Variants in PTGER3 observed in about 807,000 individuals in gnomAD.
PTGER3 encodes the protein prostaglandin E receptor 3.
PTGER3 carries 22 observed loss-of-function variants against 34.7 expected under a neutral mutation model. The ratio of observed to expected loss-of-function variants is 0.63; its 90% CI spans 0.45 to 0.91. The LOEUF (loss-of-function observed/expected upper bound fraction) is 0.91. Ranked by LOEUF, PTGER3 falls within the 40% of genes least tolerant of loss-of-function variation. The pLI is 0.00. For synonymous variants in PTGER3, 241 were observed against 230.1 expected (o/e 1.05, Z -0.43); for missense variants, 468 against 519.4 (o/e 0.90, Z 0.96).
At chr1:70,978,580 T>C (rs1653934759) in intron 2 of PTGER3, among the ~76,000 whole-genome samples, 1 of 152,178 alleles carries the variant, frequency 6.6e-6, no homozygotes, top group South Asian at 2.1e-4. Context: ...ATATGTATAA[T>C]GCACTTATTG....
At chr1:70,919,735 CT>C (rs1384269320) in intron 4 of PTGER3, among the ~76,000 whole-genome samples, 3 of 152,030 alleles carry the variant, frequency 2.0e-5, no homozygotes, top group African/African-American at 7.2e-5. Context: ...ATGGCCATTG[CT>C]TACTGAATCT....
At chr1:70,982,425 A>G (rs1654472153) in intron 2 of PTGER3, among the ~76,000 whole-genome samples, 2 of 152,144 alleles carry the variant, frequency 1.3e-5, no homozygotes. Flanking sequence ...ATCGATCAGT[A>G]TATGACACTG....
At chr1:70,877,249 C>A (rs1465793408) in intron 4 of PTGER3, among the ~76,000 whole-genome samples, 1 of 152,092 alleles carries the variant, frequency 6.6e-6, no homozygotes, top group African/African-American at 2.4e-5. Context: ...ATTTGGCTCT[C>A]AGCTTGGACA....
At chr1:70,855,115 T>C (rs1451094493) in intron 4 of PTGER3, among the ~76,000 whole-genome samples, 2 of 151,816 alleles carry the variant, frequency 1.3e-5, no homozygotes, top group Non-Finnish European at 2.9e-5. Context: ...ATGGAGTATA[T>C]ACATACAGTG....
chr1:70,874,037 A>G (rs1477514694), intron 4 of PTGER3, among the ~76,000 whole-genome samples: 1 of 152,198 alleles, frequency 6.6e-6, no homozygotes, highest in Admixed American at 6.5e-5. Flanking sequence ...TAGCATTATT[A>G]CTAATAATAG....
Position 71,047,276 on chromosome 1 carries a change from A to G in PTGER3, c.302T>C (p.Val101Ala). ...GACCGGGGTGGTGAGAAGCTGCCCG[A>G]CCAGGTCGGTGAGCGCCAGCCAGCC... ...CIGWLALTDL[V>A]GQLLTTPVVI... is the part of the protein sequence containing the mutation. The change falls in exon 1 of 4, where the codon GTC becomes GCC. Residue 101 changes from valine to alanine, a missense_variant. By Grantham distance (64) the Val-to-Ala change is moderately conservative (BLOSUM62 0). Transcript: ENST00000306666. 1.3e-6 allele frequency: 2 copies of G among 1,596,990 alleles called. No homozygotes were observed. The highest frequency in any genetic ancestry group is 1.7e-6 in the Non-Finnish European group (2 of 1,172,782).
At chr1:70,944,411 T>G (rs1650033209) in intron 4 of PTGER3, among the ~76,000 whole-genome samples, 1 of 152,028 alleles carries the variant, frequency 6.6e-6, no homozygotes, top group Admixed American at 6.6e-5. Flanking sequence ...AGAGTACCTT[T>G]GAGAATGAAA....
chr1:70,859,705 T>G (rs201532044), intron 4 of PTGER3, among the ~76,000 whole-genome samples: 3 of 152,192 alleles, frequency 2.0e-5, no homozygotes, highest in East Asian at 3.8e-4. Context: ...TTGCAGGAAC[T>G]CGTAAGAAAT....
chr1:71,041,966 T>C (rs1268546453), intron 1 of PTGER3, among the ~76,000 whole-genome samples: 1 of 152,174 alleles, frequency 6.6e-6, no homozygotes, highest in African/African-American at 2.4e-5. Flanking sequence ...CAGATGCCTG[T>C]GGTGCATATT....
At chr1:70,971,778 TTA>T in intron 3 of PTGER3, 45 bp from the exon 4 acceptor site, 2 of 1,370,276 alleles carry the variant, frequency 1.5e-6, no homozygotes, top group Admixed American at 2.1e-5. Flanking sequence ...TGGATGGGGA[TTA>T]TTTTTTTTAA....
chr1:70,987,726 T>A (rs944170158), intron 2 of PTGER3, among the ~76,000 whole-genome samples: 1 of 152,092 alleles, frequency 6.6e-6, no homozygotes, highest in African/African-American at 2.4e-5. Context: ...CCCAATATAA[T>A]CAAATTAAAT....
chr1:71,012,733 C>G (rs527993105), intron 1 of PTGER3, among the ~76,000 whole-genome samples: 2 of 152,194 alleles, frequency 1.3e-5, no homozygotes, highest in African/African-American at 4.8e-5. Context: ...GCTCTTGATT[C>G]TTGGAATTTA....
Position 71,035,054 on chromosome 1 carries a change from A to T in PTGER3, c.897+11627T>A, listed in dbSNP as rs554962940. On this transcript the variant is annotated intron_variant, in intron 1 of 3. Coordinates refer to ENST00000306666, the MANE Select transcript of PTGER3 (RefSeq NM_198719.2). ...TTCCTAGAGTTCTTGAAAGGTAAAA[A>T]ATTTCCTATTATTAAGGGTGTTCAA... is the stretch of plus-strand genomic sequence containing the variant. Among the ~76,000 whole-genome samples, 3 of 152,280 alleles carry T rather than the reference A, an allele frequency of 2.0e-5. No individual in the cohort carries two copies. The South Asian group carries it at 6.2e-4, about 32-fold the overall frequency.
downstream of PTGER3, among the ~76,000 whole-genome samples, chr1:70,949,318 G>A (rs566630737): frequency 1.3e-5 from 2 of 152,104 alleles, no homozygotes; most frequent in Admixed American, 1.3e-4. Context: ...ATCATCAAGC[G>A]ACATTAAATT....
Position 70,921,311 on chromosome 1 carries a change from A to G in PTGER3, c.*23+32452T>C, listed in dbSNP as rs537423747. Reference sequence around the variant, plus strand: ...GTGGCCGCCCGAACTTTTCAGTGTCACTGCAAAGGGTGGGTCTTCCTGGCC... The same window carrying G: ...GTGGCCGCCCGAACTTTTCAGTGTCGCTGCAAAGGGTGGGTCTTCCTGGCC... On this transcript the variant is annotated intron_variant, in intron 4 of 4. Coordinates refer to the PTGER3 transcript ENST00000370931. Among the ~76,000 whole-genome samples the G allele has an allele frequency of 2.6e-5, 4 of 152,280 alleles. No individual in the cohort carries two copies. In the South Asian group the frequency reaches 8.3e-4, roughly 32 times the overall value.
chr1:70,960,521 A>G (rs1651819574), intron 2 of PTGER3, among the ~76,000 whole-genome samples: 1 of 152,200 alleles, frequency 6.6e-6, no homozygotes, highest in Non-Finnish European at 1.5e-5. Flanking sequence ...ATTAAAAAAT[A>G]TTATAGCAGA....
intron 4 of PTGER3, among the ~76,000 whole-genome samples, chr1:70,889,135 G>A (rs1468963267): frequency 6.6e-6 from 1 of 152,124 alleles, no homozygotes; most frequent in Non-Finnish European, 1.5e-5. Flanking sequence ...ATCAGCACCA[G>A]TACCTCAATC....
downstream of PTGER3, chr1:70,970,634 C>T (rs1241259948): frequency 6.2e-6 from 1 of 160,148 alleles, no homozygotes; most frequent in African/African-American, 2.4e-5. Flanking sequence ...AAAGAGGAGA[C>T]ACTCAGTAAA....
chr1:70,888,692 G>A (rs534090799), intron 4 of PTGER3, among the ~76,000 whole-genome samples: 75 of 151,830 alleles, frequency 4.9e-4, no homozygotes, highest in Non-Finnish European at 9.3e-4. Context: ...AAATTCATCC[G>A]AGATGTGAAA....
Sources: gnomAD v4.1 joint callset for allele counts (sites outside exome capture counted in the v4.1 genomes callset) on GRCh38, gnomAD v4.1.1 for gene constraint, MANE v1.5 for transcripts, NCBI Gene and HGNC (gene_info 2026-07-23, HGNC 2026-07-21) for gene names.